The following MIR2052HG variants were observed in gnomAD, a reference collection of about 807,000 sequenced individuals.
MIR2052HG encodes MIR2052 host gene.
intron 4 of MIR2052HG, among the ~76,000 whole-genome samples, chr8:74,744,665 T>C (rs1270340637): frequency 6.6e-6 from 1 of 152,204 alleles, no homozygotes; most frequent in Non-Finnish European, 1.5e-5. Flanking sequence ...TCATCATTTT[T>C]TCTGGCTGCA....
At chr8:74,661,217 T>C (rs1181278596) in intron 2 of MIR2052HG, among the ~76,000 whole-genome samples, 2 of 151,168 alleles carry the variant, frequency 1.3e-5, no homozygotes, top group African/African-American at 4.9e-5. Flanking sequence ...TTTTTTTTTT[T>C]TCGAGACAGA....
intron 4 of MIR2052HG, among the ~76,000 whole-genome samples, chr8:74,749,715 G>A (rs967626009): frequency 6.6e-6 from 1 of 152,006 alleles, no homozygotes; most frequent in South Asian, 2.1e-4. Context: ...TGGGTATGGT[G>A]TCGGGTGCCT....
chr8:74,680,518 A>C (rs982024395), intron 2 of MIR2052HG, among the ~76,000 whole-genome samples: 1 of 152,166 alleles, frequency 6.6e-6, no homozygotes, highest in Non-Finnish European at 1.5e-5. Context: ...ATGAGACACC[A>C]TCTCACACCA....
At position 74,705,876 on chromosome 8, in the gene MIR2052HG, C is replaced by T. The variant is rs1163659905; in HGVS notation, n.371+2194C>T. The T allele has an allele frequency of 5.9e-5, 9 of 151,336 alleles. No individual in the cohort carries two copies. The East Asian group carries it at 2.0e-3, about 34-fold the overall frequency. The allele number at this position is 151,336 out of a possible 1,614,324, so 9.4% of individuals were successfully genotyped here. A position where few individuals can be genotyped will look rare whatever the true frequency, so the allele number is the denominator to read the frequency against. On this transcript the variant is annotated intron_variant and non_coding_transcript_variant, in intron 4 of 6. Coordinates refer to ENST00000523442, the Ensembl canonical transcript of MIR2052HG. ...ATAGCAAGCAGAAATCAGAAAAAAA[C>T]TAAACTTCTGAAATGTTCGGGAAAA...
At chr8:74,643,414 A>G (rs1017361726) in intron 2 of MIR2052HG, among the ~76,000 whole-genome samples, 2 of 152,172 alleles carry the variant, frequency 1.3e-5, no homozygotes, top group Admixed American at 6.5e-5. Flanking sequence ...GAGGCAGAGT[A>G]AAAAAAGGAT....
intron 2 of MIR2052HG, among the ~76,000 whole-genome samples, chr8:74,630,904 G>C (rs1017755244): frequency 6.6e-6 from 1 of 152,130 alleles, no homozygotes; most frequent in Non-Finnish European, 1.5e-5. Flanking sequence ...ATGAGGAAAC[G>C]AGAGCTCAGA....
At chr8:74,663,003 C>G (rs906920808) in intron 2 of MIR2052HG, among the ~76,000 whole-genome samples, 1 of 151,700 alleles carries the variant, frequency 6.6e-6, no homozygotes, top group African/African-American at 2.4e-5. Context: ...ATGTGATAAC[C>G]AAGATGATAT....
chr8:74,616,955 GA>G (rs1415847897), intron 2 of MIR2052HG, among the ~76,000 whole-genome samples: 1 of 149,926 alleles, frequency 6.7e-6, no homozygotes, highest in Non-Finnish European at 1.5e-5. Context: ...GAAGGTAAAA[GA>G]AAAAAAGATT....
chr8:74,676,260 C>A (rs1191307906), intron 2 of MIR2052HG, among the ~76,000 whole-genome samples: 1 of 151,758 alleles, frequency 6.6e-6, no homozygotes, highest in East Asian at 1.9e-4. Flanking sequence ...AAATAAATAG[C>A]AGATAAATTA....
intron 4 of MIR2052HG, among the ~76,000 whole-genome samples, chr8:74,707,904 T>C (rs1809427609): frequency 6.6e-6 from 1 of 151,880 alleles, no homozygotes; most frequent in African/African-American, 2.4e-5. Context: ...ACCCAGGAGG[T>C]GCTTATAATA....
intron 2 of MIR2052HG, among the ~76,000 whole-genome samples, chr8:74,619,044 A>G (rs1808324331): frequency 1.3e-5 from 2 of 152,218 alleles, no homozygotes; most frequent in Admixed American, 1.3e-4. Context: ...AGCTACAAAA[A>G]GTACTTAGGA....
intron 1 of MIR2052HG, among the ~76,000 whole-genome samples, chr8:74,602,865 CTTTCTTTCTTTT>C (rs1808037344): frequency 1.4e-5 from 2 of 142,658 alleles, no homozygotes; most frequent in Non-Finnish European, 3.1e-5. Flanking sequence ...TTCTTTCTTT[CTTTCTTTCTTTT>C]TTCTATTCAC....
Position 74,684,737 on chromosome 8 carries a change from A to G in MIR2052HG, n.217-17642A>G, listed in dbSNP as rs540306602. 9.8e-5 allele frequency among the ~76,000 whole-genome samples: 15 copies of G among 152,300 alleles called. No homozygotes were observed. The South Asian group carries it at 1.4e-3, about 15-fold the overall frequency. On this transcript the variant is annotated intron_variant and non_coding_transcript_variant, in intron 2 of 6. Coordinates refer to ENST00000523442, the Ensembl canonical transcript of MIR2052HG. The stretch of plus-strand genomic sequence containing the variant: ...AAGAACCATCACTAAGGTGGTAGAA[A>G]TCAATAGATTTCCTTGATTTACATA...
chr8:74,669,004 G>A (rs1408115612), intron 2 of MIR2052HG, among the ~76,000 whole-genome samples: 1 of 152,150 alleles, frequency 6.6e-6, no homozygotes, highest in African/African-American at 2.4e-5. Context: ...ATTTCAGAAT[G>A]TGACTCCTGA....
At chr8:74,733,452 G>A (rs1272588506) in intron 4 of MIR2052HG, among the ~76,000 whole-genome samples, 3 of 151,600 alleles carry the variant, frequency 2.0e-5, no homozygotes, top group African/African-American at 4.9e-5. Context: ...TGGTGTATAT[G>A]TGCCACATTT....
intron 1 of MIR2052HG, chr8:74,603,323 G>T (rs1490535078): frequency 6.2e-7 from 1 of 1,606,898 alleles, no homozygotes; most frequent in Non-Finnish European, 8.5e-7. Context: ...TCCGAGGAAA[G>T]CCTGACATTG....
At chr8:74,676,490 C>T (rs1809054069) in intron 2 of MIR2052HG, among the ~76,000 whole-genome samples, 1 of 150,962 alleles carries the variant, frequency 6.6e-6, no homozygotes, top group South Asian at 2.1e-4. Context: ...ATATAACTTC[C>T]AAACAGTAAA....
intron 2 of MIR2052HG, among the ~76,000 whole-genome samples, chr8:74,653,922 A>C (rs1175710290): frequency 6.6e-6 from 1 of 152,202 alleles, no homozygotes; most frequent in Non-Finnish European, 1.5e-5. Flanking sequence ...TAGATTTTTC[A>C]AGATGGTTTT....
At chr8:74,720,191 A>G (rs1809561824) in intron 4 of MIR2052HG, among the ~76,000 whole-genome samples, 1 of 152,074 alleles carries the variant, frequency 6.6e-6, no homozygotes, top group African/African-American at 2.4e-5. Context: ...GTGAGTGTAG[A>G]AATCATTTTT....
Sources: gnomAD v4.1 joint callset for allele counts (sites outside exome capture counted in the v4.1 genomes callset) on GRCh38, gnomAD v4.1.1 for gene constraint, MANE v1.5 for transcripts, NCBI Gene and HGNC (gene_info 2026-07-23, HGNC 2026-07-21) for gene names.